Variants in KIAA1217 observed in about 807,000 individuals in gnomAD.
KIAA1217 encodes KIAA1217, also known as sickle tail protein homolog.
Under a neutral mutation model 163.9 loss-of-function variants are expected in KIAA1217, and 88 were observed. The observed-to-expected ratio is 0.54, with a 90% confidence interval of 0.45 to 0.64. The LOEUF is 0.64. KIAA1217 is among the 30% of genes least tolerant of loss of function. The probability of loss-of-function intolerance (pLI) is 0.00; values close to 1 mark genes in which losing one functional copy is unlikely to be tolerated. For synonymous variants in KIAA1217, 903 were observed against 923.1 expected (o/e 0.98, Z 0.39); for missense variants, 2,372 against 2,475.0 (o/e 0.96, Z 0.88).
At chr10:23,999,047 T>C (rs1255738624) in intron 1 of KIAA1217, among the ~76,000 whole-genome samples, 1 of 152,232 alleles carries the variant, frequency 6.6e-6, no homozygotes, top group Non-Finnish European at 1.5e-5. Flanking sequence ...TAACTATCAC[T>C]AAAAATAGCC....
intron 2 of KIAA1217, among the ~76,000 whole-genome samples, chr10:24,172,998 G>T (rs2131920295): frequency 6.6e-6 from 1 of 152,312 alleles, no homozygotes; most frequent in East Asian, 1.9e-4. Flanking sequence ...CCCAGGCCAT[G>T]GACTGGTACT....
chr10:24,378,393 C>G (rs977070564), intron 2 of KIAA1217, among the ~76,000 whole-genome samples: 1 of 152,084 alleles, frequency 6.6e-6, no homozygotes, highest in African/African-American at 2.4e-5. Context: ...CAGAGCAACC[C>G]TCGCACCTCC....
intron 2 of KIAA1217, among the ~76,000 whole-genome samples, chr10:24,087,393 C>A (rs1391039917): frequency 6.6e-6 from 1 of 152,060 alleles, no homozygotes; most frequent in African/African-American, 2.4e-5. Flanking sequence ...ACCATATGTA[C>A]GGTGTCATTG....
At chr10:24,452,491 G>A (rs920312115) in intron 5 of KIAA1217, among the ~76,000 whole-genome samples, 2 of 150,382 alleles carry the variant, frequency 1.3e-5, no homozygotes, top group African/African-American at 4.9e-5. Flanking sequence ...GGCTAACACA[G>A]TGAAACCCCG....
intron 1 of KIAA1217, among the ~76,000 whole-genome samples, chr10:23,780,388 C>A (rs924322795): frequency 1.3e-5 from 2 of 152,176 alleles, no homozygotes; most frequent in African/African-American, 4.8e-5. Context: ...TCCTATATAA[C>A]TGAAACTTTG....
intron 1 of KIAA1217, among the ~76,000 whole-genome samples, chr10:23,864,560 C>A (rs1588974007): frequency 6.9e-6 from 1 of 144,256 alleles, no homozygotes; most frequent in South Asian, 2.2e-4. Context: ...ACATGAATAC[C>A]CACAGTACTT....
intron 1 of KIAA1217, among the ~76,000 whole-genome samples, chr10:23,717,487 A>G (rs1837644291): frequency 6.6e-6 from 1 of 152,124 alleles, no homozygotes; most frequent in African/African-American, 2.4e-5. Context: ...CCAGAATAAT[A>G]TAGGTCACCC....
At chr10:23,742,827 A>G (rs1469954076) in intron 1 of KIAA1217, among the ~76,000 whole-genome samples, 2 of 152,208 alleles carry the variant, frequency 1.3e-5, no homozygotes, top group Non-Finnish European at 2.9e-5. Flanking sequence ...CCAAGGTACA[A>G]TGAAGACTGA....
At chr10:24,528,863 T>C (rs554108230) in intron 14 of KIAA1217, among the ~76,000 whole-genome samples, 1 of 152,110 alleles carries the variant, frequency 6.6e-6, no homozygotes, top group East Asian at 1.9e-4. Context: ...TAAGGCAAAA[T>C]TGCATTTTTT....
chr10:24,284,973 A>G (rs220359), intron 2 of KIAA1217, among the ~76,000 whole-genome samples: 92,035 of 152,006 alleles, frequency 0.61, 28,823 homozygotes, highest in African/African-American at 0.78. Context: ...TTTGATTTGC[A>G]TTTAATGATC....
At chr10:24,148,844 T>A (rs1183258125) in intron 2 of KIAA1217, among the ~76,000 whole-genome samples, 1 of 152,216 alleles carries the variant, frequency 6.6e-6, no homozygotes, top group Non-Finnish European at 1.5e-5. Flanking sequence ...GAAAGATAGA[T>A]ATATGTTATT....
intron 1 of KIAA1217, among the ~76,000 whole-genome samples, chr10:23,948,834 C>T (rs1290378063): frequency 6.6e-6 from 1 of 151,968 alleles, no homozygotes; most frequent in Non-Finnish European, 1.5e-5. Context: ...CATTTAAAAC[C>T]TGGTTATTAA....
intron 1 of KIAA1217, among the ~76,000 whole-genome samples, chr10:23,754,376 C>T (rs1168558893): frequency 6.6e-6 from 1 of 152,206 alleles, no homozygotes; most frequent in Non-Finnish European, 1.5e-5. Flanking sequence ...CCCCTCCTGG[C>T]ACCATGTGAC....
intron 1 of KIAA1217, among the ~76,000 whole-genome samples, chr10:23,858,478 C>T (rs1257584859): frequency 2.6e-5 from 4 of 151,254 alleles, no homozygotes; most frequent in African/African-American, 9.7e-5. Context: ...TGTGTATATA[C>T]ATACATATAA....
intron 1 of KIAA1217, among the ~76,000 whole-genome samples, chr10:23,875,648 C>T (rs926066373): frequency 6.6e-6 from 1 of 152,008 alleles, no homozygotes; most frequent in Non-Finnish European, 1.5e-5. Context: ...CACATACACA[C>T]GTATGTTTAT....
intron 1 of KIAA1217, among the ~76,000 whole-genome samples, chr10:23,789,974 CAT>C (rs1554794377): frequency 7.9e-6 from 1 of 126,244 alleles, no homozygotes; most frequent in Non-Finnish European, 1.6e-5. Flanking sequence ...TATACATATA[CAT>C]ATATACACAT....
chr10:24,223,746 C>T (rs2070017304), intron 2 of KIAA1217, among the ~76,000 whole-genome samples: 1 of 137,868 alleles, frequency 7.3e-6, no homozygotes, highest in South Asian at 2.3e-4. Flanking sequence ...CAGGGTCTTG[C>T]TCTGTTGCCC....
chr10:24,010,693 GAA>G (rs112800971), intron 2 of KIAA1217, among the ~76,000 whole-genome samples: 14 of 128,918 alleles, frequency 1.1e-4, no homozygotes, highest in Admixed American at 1.6e-4. Flanking sequence ...ACATTTGCTG[GAA>G]AAAAAAAAAA....
intron 3 of KIAA1217, among the ~76,000 whole-genome samples, chr10:24,388,421 A>C (rs2054333040): frequency 1.3e-5 from 2 of 152,260 alleles, no homozygotes; most frequent in African/African-American, 4.8e-5. Flanking sequence ...AGATGAATTA[A>C]AGGCTTAAAT....
Sources: allele counts gnomAD v4.1 joint callset (sites outside exome capture counted in the v4.1 genomes callset), GRCh38; gene constraint gnomAD v4.1.1; transcripts MANE v1.5; gene names NCBI Gene and HGNC (gene_info 2026-07-23, HGNC 2026-07-21).